SHQ1: variants seen among roughly 807,000 people sequenced by gnomAD.
The protein encoded by SHQ1 is SHQ1, H/ACA ribonucleoprotein assembly factor.
Under a neutral mutation model 53.8 loss-of-function variants are expected in SHQ1, and 49 were observed. The ratio of observed to expected loss-of-function variants is 0.91; its 90% CI spans 0.72 to 1.16. The LOEUF is 1.16. Ranked by LOEUF, SHQ1 falls within the 50% of genes most tolerant of loss-of-function variation. SHQ1 has a pLI of 0.00. For missense variants in SHQ1, 738 were observed against 683.1 expected (o/e 1.08, Z -0.90); for synonymous variants, 243 against 251.0 (o/e 0.97, Z 0.30).
At chr3:72,751,502 GTGTGTGTA>G (rs1179630256) in intron 10 of SHQ1, among the ~76,000 whole-genome samples, 29 of 118,824 alleles carry the variant, frequency 2.4e-4, no homozygotes, top group South Asian at 2.3e-4. Flanking sequence ...GTGTGTGTGT[GTGTGTGTA>G]TATATATATA....
intron 6 of SHQ1, among the ~76,000 whole-genome samples, chr3:72,822,489 A>G (rs993789140): frequency 9.9e-5 from 15 of 152,218 alleles, no homozygotes; most frequent in Non-Finnish European, 1.9e-4. Flanking sequence ...CAGTTTATCA[A>G]AGTAGAGCAA....
At chr3:72,827,428 G>T (rs951569217) in intron 5 of SHQ1, among the ~76,000 whole-genome samples, 6 of 152,022 alleles carry the variant, frequency 3.9e-5, no homozygotes, top group Admixed American at 3.9e-4. Flanking sequence ...CCAAAGGCAA[G>T]AGTAAAGGAG....
Position 72,793,167 on chromosome 3 carries a change from T to A in SHQ1, c.1061-131A>T, listed in dbSNP as rs1706495338. 4 of 769,904 alleles carry A rather than the reference T, an allele frequency of 5.2e-6. No individual in the cohort carries two copies. In the East Asian group the frequency reaches 1.1e-4, roughly 21 times the overall value. The allele number at this position is 769,904 out of a possible 1,614,324, so 47.7% of individuals were successfully genotyped here. On this transcript the variant is annotated intron_variant, in intron 9 of 10. Transcript: ENST00000325599. ...ACATTTTTAAATGCAAAAAAATTTA[T>A]GAGTCCTATTAGGTCCAAACCCCTT...
chr3:72,817,380 A>G lies in SHQ1; in HGVS notation c.732T>C (p.Ser244=). The change falls in exon 7 of 11, where the codon TCT becomes TCC. Residue 244 remains serine, a synonymous_variant. Coordinates refer to ENST00000325599, the MANE Select transcript of SHQ1 (RefSeq NM_018130.3). ...GCTGATACTTCTCTTCTTCAGAAAA[A>G]GACACTAGAAGAAAACGCATTTAAA... ...QEQENHATLV[S]FSEEEKYQLR... is the part of the protein sequence containing the mutation. 6.2e-7 allele frequency: 1 copy of G among 1,604,854 alleles called. No individual in the cohort carries two copies. Among genetic ancestry groups the G allele is most frequent in the East Asian group, 2.2e-5 (1 of 44,568 alleles).
chr3:72,763,080 G>A (rs1047336815), intron 10 of SHQ1, among the ~76,000 whole-genome samples: 2 of 151,704 alleles, frequency 1.3e-5, no homozygotes, highest in Non-Finnish European at 2.9e-5. Context: ...GAGAGAGAGA[G>A]AGAGAGAAAT....
In SHQ1 at chr3:72,830,415, T is replaced by C. The variant is rs140378236; in HGVS notation, c.599+1954A>G. ...AATATTATATACATTATGTATTACA[T>C]GTGTATATCACAATGTATTATCTGC... On this transcript the variant is annotated intron_variant, in intron 5 of 10. Coordinates refer to ENST00000325599, the MANE Select transcript of SHQ1 (RefSeq NM_018130.3). Among the ~76,000 whole-genome samples, 6 of 152,230 alleles carry C rather than the reference T, an allele frequency of 3.9e-5. No individual in the cohort carries two copies. In the East Asian group the frequency reaches 9.6e-4, roughly 24 times the overall value.
chr3:72,773,517 G>A (rs1431536155), intron 10 of SHQ1: 3 of 245,072 alleles, frequency 1.2e-5, no homozygotes, highest in East Asian at 1.3e-4. Context: ...GAACTTCCAC[G>A]AAGACAGCCA....
intron 9 of SHQ1, 27 bp from the exon 10 acceptor site, chr3:72,793,063 T>C: frequency 6.3e-7 from 1 of 1,576,782 alleles, no homozygotes; most frequent in Non-Finnish European, 8.6e-7. Flanking sequence ...AAACATAAAA[T>C]TATCCTTAAG....
chr3:72,757,364 C>G (rs1243381380), intron 10 of SHQ1, among the ~76,000 whole-genome samples: 4 of 149,234 alleles, frequency 2.7e-5, no homozygotes, highest in Non-Finnish European at 5.9e-5. Context: ...AACAGTAGAT[C>G]AAATTTCTTC....
chr3:72,779,590 CT>C (rs1367098771), intron 10 of SHQ1, among the ~76,000 whole-genome samples: 1 of 152,202 alleles, frequency 6.6e-6, no homozygotes, highest in Non-Finnish European at 1.5e-5. Flanking sequence ...TGGCAGGCCC[CT>C]GGCAGAGAAC....
chr3:72,738,187 T>A, the SHQ1 span, among the ~76,000 whole-genome samples: 1 of 152,082 alleles, frequency 6.6e-6, no homozygotes, highest in Non-Finnish European at 1.5e-5. Flanking sequence ...ACTCACTGAG[T>A]CCTTAGTTCC....
At chr3:72,825,957 T>C (rs1217197525) in intron 5 of SHQ1, among the ~76,000 whole-genome samples, 1 of 152,190 alleles carries the variant, frequency 6.6e-6, no homozygotes, top group Non-Finnish European at 1.5e-5. Flanking sequence ...CCTTGAATCC[T>C]CACACCATCA....
At chr3:72,775,383 G>A (rs1180509748) in intron 10 of SHQ1, among the ~76,000 whole-genome samples, 1 of 150,064 alleles carries the variant, frequency 6.7e-6, no homozygotes. Flanking sequence ...ATAAAGAACC[G>A]GAATAGTCCT....
At chr3:72,846,035 G>A (rs1410615051) in intron 1 of SHQ1, among the ~76,000 whole-genome samples, 1 of 152,060 alleles carries the variant, frequency 6.6e-6, no homozygotes, top group African/African-American at 2.4e-5. Context: ...TGTAAAGGGG[G>A]GAAATAACAG....
chr3:72,779,787 ACCTTAAAATG>A (rs1232751669), intron 10 of SHQ1, among the ~76,000 whole-genome samples: 10 of 152,352 alleles, frequency 6.6e-5, no homozygotes, highest in African/African-American at 2.4e-4. Flanking sequence ...AGGAGAGCCC[ACCTTAAAATG>A]GCAGGGGACT....
At chr3:72,747,914 G>C (rs1423772858), downstream of SHQ1, among the ~76,000 whole-genome samples, 1 of 151,922 alleles carries the variant, frequency 6.6e-6, no homozygotes. Flanking sequence ...ACTTGAACCC[G>C]AGAGACAGAG....
intron 10 of SHQ1, among the ~76,000 whole-genome samples, chr3:72,786,738 C>T (rs1185397863): frequency 6.6e-6 from 1 of 152,184 alleles, no homozygotes; most frequent in Non-Finnish European, 1.5e-5. Flanking sequence ...ACGTGTCTCT[C>T]TTGTTCACCA....
rs1050277443 is a variant in SHQ1, at chr3:72,766,071, G to T, written c.1182-15235C>A. 7.2e-5 allele frequency among the ~76,000 whole-genome samples: 11 copies of T among 152,272 alleles called. No individual in the cohort carries two copies. The South Asian group carries it at 1.9e-3, about 26-fold the overall frequency. ...AGCCAGGGTGCACTTGGGCCAGGGG[G>T]TGTTCAATTTTTTGTGAGTATTTAG... On this transcript the variant is annotated intron_variant, in intron 10 of 10. Transcript: ENST00000325599.
intron 10 of SHQ1, among the ~76,000 whole-genome samples, chr3:72,759,891 A>T (rs947408372): frequency 6.6e-6 from 1 of 152,248 alleles, no homozygotes; most frequent in Admixed American, 6.5e-5. Context: ...TTACAGCACC[A>T]TCTAACATTC....
Sources: allele counts gnomAD v4.1 joint callset (sites outside exome capture counted in the v4.1 genomes callset), GRCh38; gene constraint gnomAD v4.1.1; transcripts MANE v1.5; gene names NCBI Gene and HGNC (gene_info 2026-07-23, HGNC 2026-07-21).